Variants in TACC2 observed in about 807,000 individuals in gnomAD.
TACC2 encodes the protein transforming acidic coiled-coil-containing protein 2.
TACC2 carries 137 observed loss-of-function variants against 227.3 expected under a neutral mutation model. The observed-to-expected ratio is 0.60, with a 90% confidence interval of 0.52 to 0.69. TACC2 has a LOEUF of 0.69. Among genes scored for constraint, TACC2 ranks in the 30% least tolerant of loss-of-function variants. The pLI, the probability that TACC2 is intolerant of heterozygous loss-of-function variation, is 0.00. For synonymous variants in TACC2, 1,523 were observed against 1,487.5 expected (o/e 1.02, Z -0.55); for missense variants, 3,470 against 3,694.4 (o/e 0.94, Z 1.57).
chr10:122,007,093 C>A (rs530973300), intron 1 of TACC2, among the ~76,000 whole-genome samples: 1 of 152,222 alleles, frequency 6.6e-6, no homozygotes, highest in South Asian at 2.1e-4. Flanking sequence ...AACTCCCGAC[C>A]TTAGGTGATC....
intron 5 of TACC2, among the ~76,000 whole-genome samples, chr10:122,107,503 C>T (rs61874296): frequency 0.091 from 13,876 of 151,982 alleles, 791 homozygotes; most frequent in East Asian, 0.24. Context: ...AAAGGAGAAT[C>T]GCTTGAACCT....
At chr10:122,020,351 G>C (rs1171171887) in intron 1 of TACC2, among the ~76,000 whole-genome samples, 3 of 151,864 alleles carry the variant, frequency 2.0e-5, no homozygotes, top group East Asian at 1.9e-4. Flanking sequence ...TACAGCAAAA[G>C]GCAAGAAAGG....
intron 11 of TACC2, among the ~76,000 whole-genome samples, chr10:122,218,550 T>C (rs1245366200): frequency 6.6e-6 from 1 of 152,122 alleles, no homozygotes; most frequent in Non-Finnish European, 1.5e-5. Context: ...TTTTTCAGAG[T>C]ATTGGATGCA....
chr10:122,229,628 T>C, intron 15 of TACC2, 142 bp downstream of exon 15: 2 of 935,546 alleles, frequency 2.1e-6, no homozygotes, highest in Non-Finnish European at 3.3e-6. Context: ...CCTCAAAGGA[T>C]GGTATATGTG....
At chr10:122,041,228 G>A (rs1358072448) in intron 2 of TACC2, among the ~76,000 whole-genome samples, 1 of 152,124 alleles carries the variant, frequency 6.6e-6, no homozygotes, top group East Asian at 1.9e-4. Context: ...GGTGCTCTAC[G>A]GTTAACTTGA....
intron 5 of TACC2, 132 bp downstream of exon 5, chr10:122,088,723 C>T (rs1348209515): frequency 3.2e-6 from 5 of 1,543,050 alleles, no homozygotes; most frequent in African/African-American, 1.4e-5. Context: ...AATGGCCATT[C>T]CCGTTTTATG....
At chr10:122,204,001 T>G (rs922893151) in intron 8 of TACC2, among the ~76,000 whole-genome samples, 1 of 150,656 alleles carries the variant, frequency 6.6e-6, no homozygotes, top group East Asian at 2.0e-4. Flanking sequence ...ACCAAAAAAA[T>G]ACGAAAACCA....
chr10:122,075,679 C>T (rs1331044878), intron 3 of TACC2, among the ~76,000 whole-genome samples: 2 of 152,156 alleles, frequency 1.3e-5, no homozygotes, highest in Non-Finnish European at 2.9e-5. Flanking sequence ...CAGCTGCTGC[C>T]TCTGTTAACA....
chr10:122,064,469 G>A (rs541695814), intron 3 of TACC2, among the ~76,000 whole-genome samples: 86 of 152,132 alleles, frequency 5.7e-4, no homozygotes, highest in Non-Finnish European at 9.6e-4. Context: ...AATTTTAAGT[G>A]AAATGATGTA....
At chr10:122,102,197 T>TA (rs943417541) in intron 5 of TACC2, among the ~76,000 whole-genome samples, 1 of 152,086 alleles carries the variant, frequency 6.6e-6, no homozygotes, top group Non-Finnish European at 1.5e-5. Context: ...CCACAGAGCT[T>TA]AAAAAAAATA....
At position 122,084,898 on chromosome 10, in the gene TACC2, C is replaced by T. The variant is rs954899233; in HGVS notation, c.2398C>T (p.Gln800Ter). 2.5e-6 allele frequency: 4 copies of T among 1,613,930 alleles called. No individual in the cohort carries two copies. Among genetic ancestry groups the T allele is most frequent in the Non-Finnish European group, 8.5e-7 (1 of 1,180,028 alleles). Residue 800 changes from glutamine (Q) to a stop codon, truncating the protein, a stop_gained, in exon 4 of 23, where the codon CAA (glutamine) becomes TAA (stop). Transcript: ENST00000369005. LOFTEE classifies it high-confidence loss of function. ...DLGLTALILD[Q>*]DQQGIPSCPG... Reference sequence around the variant, plus strand: ...GGGGCTCACGGCACTCATCCTGGACCAAGATCAGCAGGGAATCCCATCCTG... The same window carrying T: ...GGGGCTCACGGCACTCATCCTGGACTAAGATCAGCAGGGAATCCCATCCTG...
Position 122,164,489 on chromosome 10 carries a change from C to T in TACC2, c.5834+20783C>T, listed in dbSNP as rs1592797994. On this transcript the variant is annotated intron_variant, in intron 7 of 22. Transcript: ENST00000369005. ...CATCATCCACATACTCTGGTGAACACTCGAGGACAAGGCCGCTTGCTATTA... is the reference window on the plus strand; with the variant it reads ...CATCATCCACATACTCTGGTGAACATTCGAGGACAAGGCCGCTTGCTATTA... Among the ~76,000 whole-genome samples the T allele has an allele frequency of 1.3e-5, 2 of 152,226 alleles. 1 individual carries two copies. The highest frequency in any genetic ancestry group is 4.1e-4 in the South Asian group (2 of 4,826).
chr10:122,195,479 C>T (rs2094536258), intron 8 of TACC2, among the ~76,000 whole-genome samples: 1 of 152,134 alleles, frequency 6.6e-6, no homozygotes, highest in African/African-American at 2.4e-5. Context: ...TGGCCCCTTG[C>T]TCTTTTAAGA....
intron 5 of TACC2, among the ~76,000 whole-genome samples, chr10:122,109,159 C>T (rs1313032861): frequency 6.6e-6 from 1 of 152,158 alleles, no homozygotes; most frequent in Non-Finnish European, 1.5e-5. Context: ...ACTTCTTTTC[C>T]TCTGGGTAGA....
intron 3 of TACC2, among the ~76,000 whole-genome samples, chr10:122,077,114 CAAAAAA>C (rs973879242): frequency 3.0e-5 from 2 of 67,040 alleles, no homozygotes; most frequent in Non-Finnish European, 3.0e-5. Flanking sequence ...GACTCTGTCT[CAAAAAA>C]AAAAAAAAAA....
At chr10:122,088,106 C>A in intron 4 of TACC2, 147 bp downstream of exon 4, 1 of 868,604 alleles carries the variant, frequency 1.2e-6, no homozygotes, top group Non-Finnish European at 1.6e-6. Context: ...CCTGCTTACC[C>A]CCTCTGGATG....
rs1366659101 is a variant in TACC2 at position 122,230,457 on chromosome 10, G to T, written c.8127+17G>T. ...GATGCCAAGGTACCGGTTTGCTGCT[G>T]CGTGCGCCACCTCCTGAGAATGTCA... On this transcript the variant is annotated intron_variant, in intron 16 of 22. Transcript: ENST00000369005. 1 of 1,611,204 alleles carries T rather than the reference G, an allele frequency of 6.2e-7. No homozygotes were observed. The highest frequency in any genetic ancestry group is 1.1e-5 in the South Asian group (1 of 91,022).
rs2092963065 is a variant in TACC2, at chr10:122,163,659, A to C, written c.5834+19953A>C. 7.6e-6 allele frequency: 8 copies of C among 1,050,714 alleles called. No homozygotes were observed. The South Asian group carries it at 3.2e-4, about 42-fold the overall frequency. 65.1% of individuals were successfully genotyped at this position (1,050,714 alleles called of 1,614,324 possible). ...ACGCTCATACCCGCACGCCCCGGGCAGAGCCGCGCACGCCGGCCACACTCG... is the reference window on the plus strand; with the variant it reads ...ACGCTCATACCCGCACGCCCCGGGCCGAGCCGCGCACGCCGGCCACACTCG... On this transcript the variant is annotated intron_variant, in intron 7 of 22. Coordinates refer to ENST00000369005, the MANE Select transcript of TACC2 (RefSeq NM_206862.4).
intron 9 of TACC2, among the ~76,000 whole-genome samples, chr10:122,213,143 T>C (rs2095331621): frequency 1.3e-5 from 2 of 152,236 alleles, no homozygotes. Flanking sequence ...GACAAAGCTC[T>C]TGGGGCACCA....
Sources: allele counts gnomAD v4.1 joint callset (sites outside exome capture counted in the v4.1 genomes callset), GRCh38; gene constraint gnomAD v4.1.1; transcripts MANE v1.5; gene names NCBI Gene and HGNC (gene_info 2026-07-23, HGNC 2026-07-21).